Variants in MEF2D observed in about 807,000 individuals in gnomAD.
The protein encoded by MEF2D is myocyte-specific enhancer factor 2D.
Under a neutral mutation model 59.3 loss-of-function variants are expected in MEF2D, and 10 were observed. That is an observed-to-expected ratio of 0.17 (90% confidence interval 0.10 to 0.29). The LOEUF (loss-of-function observed/expected upper bound fraction) is 0.29, where lower values mean the gene tolerates loss of function less well. MEF2D is among the 10% of genes least tolerant of loss of function. MEF2D has a pLI of 1.00. For missense variants in MEF2D, 508 were observed against 699.4 expected, an observed-to-expected ratio of 0.73 and a Z score of 3.09; for synonymous variants, 305 against 295.0, an observed-to-expected ratio of 1.03 and a Z score of -0.35.
chr1:156,466,712 C>G lies in MEF2D; in HGVS notation c.*933G>C, dbSNP rs958714123. The G allele has an allele frequency of 6.5e-5, 10 of 152,932 alleles. No homozygotes were observed. The highest frequency in any genetic ancestry group is 1.5e-5 in the Non-Finnish European group (1 of 68,260). The allele number at this position is 152,932 out of a possible 1,614,324, so 9.5% of individuals were successfully genotyped here. A position where few individuals can be genotyped will look rare whatever the true frequency, so the allele number is the denominator to read the frequency against. On this transcript the variant is annotated 3_prime_UTR_variant, in exon 12 of 12. Coordinates refer to ENST00000348159, the MANE Select transcript of MEF2D (RefSeq NM_005920.4). ...CGCCCCAGCCACCTCACTGAAGACCCTCTCCCCATTCTCCCTGCACACTGT... is the reference window on the plus strand; with the variant it reads ...CGCCCCAGCCACCTCACTGAAGACCGTCTCCCCATTCTCCCTGCACACTGT...
intron 1 of MEF2D, among the ~76,000 whole-genome samples, chr1:156,487,210 C>T (rs965095255): frequency 2.4e-4 from 36 of 152,196 alleles, no homozygotes; most frequent in Admixed American, 1.2e-3. Context: ...GGAGCTGGGA[C>T]GAGAGAGGGA....
intron 9 of MEF2D, among the ~76,000 whole-genome samples, chr1:156,471,039 C>T (rs1272850264): frequency 6.6e-6 from 1 of 152,084 alleles, no homozygotes; most frequent in Non-Finnish European, 1.5e-5. Context: ...CAGAAACGGG[C>T]CCTAGGATCA....
chr1:156,471,632 G>A (rs1466578603), intron 9 of MEF2D, among the ~76,000 whole-genome samples: 1 of 152,216 alleles, frequency 6.6e-6, no homozygotes. Flanking sequence ...GCAGCCTACT[G>A]GTCTGCTCCC....
Position 156,464,981 on chromosome 1 carries a change from T to C in MEF2D, c.*2664A>G, listed in dbSNP as rs1207277699. 2 of 152,274 alleles carry C rather than the reference T, an allele frequency of 1.3e-5. No individual in the cohort carries two copies. Among genetic ancestry groups the C allele is most frequent in the Non-Finnish European group, 1.5e-5 (1 of 68,076 alleles). The allele number at this position is 152,274 out of a possible 1,614,324, so 9.4% of individuals were successfully genotyped here. On this transcript the variant is annotated 3_prime_UTR_variant, in exon 12 of 12. Transcript: ENST00000348159. ...CACCTATCATTCAACTATTCACCCATTCAGCATTTATTGAGTGCCTACTAT... is the reference window on the plus strand; with the variant it reads ...CACCTATCATTCAACTATTCACCCACTCAGCATTTATTGAGTGCCTACTAT...
chr1:156,469,750 G>T (rs999597738), intron 9 of MEF2D, among the ~76,000 whole-genome samples: 4 of 152,110 alleles, frequency 2.6e-5, no homozygotes, highest in Admixed American at 1.3e-4. Flanking sequence ...TAGCTAGGGT[G>T]GTGGGGTGCA....
At chr1:156,498,100 T>TAAA (rs1673240332) in intron 1 of MEF2D, among the ~76,000 whole-genome samples, 1 of 33,004 alleles carries the variant, frequency 3.0e-5, no homozygotes, top group African/African-American at 2.1e-4. Context: ...CCAGGAAAGA[T>TAAA]TAAAAAAAAA....
At chr1:156,476,128 T>G (rs1671559065) in intron 8 of MEF2D, among the ~76,000 whole-genome samples, 1 of 152,188 alleles carries the variant, frequency 6.6e-6, no homozygotes, top group African/African-American at 2.4e-5. Flanking sequence ...AGAGGACTAG[T>G]GGGATCCAGC....
At chr1:156,500,362 G>GC (rs1673420648) in intron 1 of MEF2D, 124 bp downstream of exon 1, 1 of 152,824 alleles carries the variant, frequency 6.5e-6, no homozygotes, top group Admixed American at 6.5e-5. Flanking sequence ...GTTCCTCCCG[G>GC]CCCGGGGGCT....
chr1:156,485,477 A>G (rs557384417), intron 1 of MEF2D, among the ~76,000 whole-genome samples: 1 of 150,524 alleles, frequency 6.6e-6, no homozygotes, highest in Non-Finnish European at 1.5e-5. Context: ...AACAATGCAG[A>G]TAAATGCATT....
chr1:156,466,312 G>A lies in MEF2D; in HGVS notation c.*1333C>T, dbSNP rs1390234610. The A allele has an allele frequency of 6.6e-6, 1 of 152,214 alleles. No homozygotes were observed. Among genetic ancestry groups the A allele is most frequent in the Admixed American group, 6.6e-5 (1 of 15,266 alleles). 9.4% of individuals were successfully genotyped at this position (152,214 alleles called of 1,614,324 possible). A position where few individuals can be genotyped will look rare whatever the true frequency, so the allele number is the denominator to read the frequency against. ...AATACAACAACAACAAAAAAAAACA[G>A]TTTCCTGGACTGTTACACCGCTAAC... On this transcript the variant is annotated 3_prime_UTR_variant, in exon 12 of 12. Transcript: ENST00000348159.
intron 3 of MEF2D, 145 bp downstream of exon 3, chr1:156,482,290 CAT>C: frequency 1.2e-6 from 1 of 821,774 alleles, no homozygotes; most frequent in Non-Finnish European, 2.0e-6. Context: ...GGAGGGTTTG[CAT>C]GTGTGTGCGC....
In MEF2D at chr1:156,468,919, G is replaced by T. The variant is rs545734870; in HGVS notation, c.1108C>A (p.Pro370Thr). 7 of 1,613,516 alleles carry T rather than the reference G, an allele frequency of 4.3e-6. No individual in the cohort carries two copies. In the South Asian group the frequency reaches 7.7e-5, roughly 18 times the overall value. ...GGCTGTGGCTGCTGCGGCTGCTGGG[G>T]CTGCTGTGGCTGTTGCCAGGCAGTG... is the stretch of plus-strand genomic sequence containing the variant. ...NVTAWQQPQQ[P>T]QQPQQPQPPQ... Residue 370 changes from proline to threonine, a missense_variant, in exon 10 of 12, where the codon CCC (proline) becomes ACC (threonine). By Grantham distance (38) the Pro-to-Thr change is conservative (BLOSUM62 -1). Transcript: ENST00000348159. This position sits in a 1 kb window ranked among gnomAD's most constrained non-coding sequence, Gnocchi z 4.3.
intron 9 of MEF2D, among the ~76,000 whole-genome samples, chr1:156,472,404 G>A (rs1407983722): frequency 1.3e-5 from 2 of 152,368 alleles, no homozygotes; most frequent in South Asian, 2.1e-4. Flanking sequence ...ATGCAAGGGA[G>A]AAGGGGCTCA....
intron 1 of MEF2D, among the ~76,000 whole-genome samples, chr1:156,497,497 C>T (rs566342759): frequency 6.6e-6 from 1 of 152,298 alleles, no homozygotes; most frequent in Admixed American, 6.5e-5. Context: ...AGGCTCACAT[C>T]GGATCCTCAT....
rs1225993753 is a variant in MEF2D at position 156,464,936 on chromosome 1, CCATT to C, written c.*2705_*2708del. On this transcript the variant is annotated 3_prime_UTR_variant, in exon 12 of 12. Coordinates refer to ENST00000348159, the MANE Select transcript of MEF2D (RefSeq NM_005920.4). ...GTGGGAATAGCCTGAGAAGGGAAGG[CCATT>C]CATTCATTTATTGAGCACCTATCAT... The C allele has an allele frequency of 6.6e-6, 1 of 152,232 alleles. No homozygotes were observed. Among genetic ancestry groups the C allele is most frequent in the East Asian group, 1.9e-4 (1 of 5,202 alleles). 9.4% of individuals were successfully genotyped at this position (152,232 alleles called of 1,614,324 possible).
Position 156,479,388 on chromosome 1 carries a change from G to A in MEF2D, c.608-42C>T, listed in dbSNP as rs28730742. The A allele has an allele frequency of 2.7e-3, 4,334 of 1,592,852 alleles. 89 individuals are homozygous for A. The African/African-American group carries it at 0.051, about 19-fold the overall frequency. On this transcript the variant is annotated intron_variant, in intron 5 of 11. Transcript: ENST00000348159. ...ACCAGGATGAGCTGACAACACTCCCGCTTCAAGAGTGAGTCTTGGGGACTG... is the reference window on the plus strand; with the variant it reads ...ACCAGGATGAGCTGACAACACTCCCACTTCAAGAGTGAGTCTTGGGGACTG...
At chr1:156,467,762 G>A in intron 11 of MEF2D, 106 bp from the exon 12 acceptor site, 1 of 1,234,116 alleles carries the variant, frequency 8.1e-7, no homozygotes. Flanking sequence ...TAGTGGCAGG[G>A]CCAGCTGTGA....
intron 1 of MEF2D, among the ~76,000 whole-genome samples, chr1:156,494,482 G>T (rs1320398519): frequency 6.6e-6 from 1 of 152,110 alleles, no homozygotes; most frequent in East Asian, 1.9e-4. Context: ...CGGCTGGATG[G>T]GGAGGGGAGG....
intron 3 of MEF2D, among the ~76,000 whole-genome samples, chr1:156,481,319 G>C (rs1257868892): frequency 6.6e-6 from 1 of 152,192 alleles, no homozygotes; most frequent in Non-Finnish European, 1.5e-5. Context: ...TGGTGCCATG[G>C]ATCAGTCCCT....
Sources: allele counts gnomAD v4.1 joint callset (sites outside exome capture counted in the v4.1 genomes callset), GRCh38; gene constraint gnomAD v4.1.1; non-coding constraint Gnocchi (gnomAD v3.1); transcripts MANE v1.5; gene names NCBI Gene and HGNC (gene_info 2026-07-23, HGNC 2026-07-21).